ADGRV1: variants seen among roughly 807,000 people sequenced by gnomAD.
ADGRV1 encodes the protein adhesion G protein-coupled receptor V1, also known as G-protein coupled receptor 98.
Under a neutral mutation model 596.2 loss-of-function variants are expected in ADGRV1, and 359 were observed. The observed-to-expected ratio is 0.60, with a 90% confidence interval of 0.55 to 0.66. The LOEUF (loss-of-function observed/expected upper bound fraction) is 0.66, where lower values mean the gene tolerates loss of function less well. ADGRV1 is among the 30% of genes least tolerant of loss of function. The probability of loss-of-function intolerance (pLI) is 0.00; values close to 1 mark genes in which losing one functional copy is unlikely to be tolerated. For synonymous variants in ADGRV1, 2,681 were observed against 2,679.2 expected, an observed-to-expected ratio of 1.00 and a Z score of -0.02; for missense variants, 7,274 against 7,575.6, an observed-to-expected ratio of 0.96 and a Z score of 1.48.
chr5:90,866,514 G>A (rs1238299660), intron 83 of ADGRV1, among the ~76,000 whole-genome samples: 1 of 151,814 alleles, frequency 6.6e-6, no homozygotes, highest in East Asian at 1.9e-4. Context: ...TAAATTTATC[G>A]ATCTCTCTTT....
chr5:90,886,352 A>G (rs1398570188), intron 83 of ADGRV1, among the ~76,000 whole-genome samples: 1 of 152,126 alleles, frequency 6.6e-6, no homozygotes, highest in Non-Finnish European at 1.5e-5. Context: ...TCAGCTCACT[A>G]GTGGGCTCAC....
At chr5:90,740,529 C>T (rs1381025743) in intron 50 of ADGRV1, among the ~76,000 whole-genome samples, 1 of 152,156 alleles carries the variant, frequency 6.6e-6, no homozygotes, top group African/African-American at 2.4e-5. Flanking sequence ...GGGATTTGGG[C>T]CTGGGAGGCC....
chr5:90,572,259 A>G (rs1381293037), intron 1 of ADGRV1, among the ~76,000 whole-genome samples: 1 of 152,192 alleles, frequency 6.6e-6, no homozygotes, highest in Non-Finnish European at 1.5e-5. Context: ...GGGTAGCAGC[A>G]AAACAATGTT....
chr5:90,603,059 T>C (rs1315984732), intron 1 of ADGRV1, among the ~76,000 whole-genome samples: 1 of 152,212 alleles, frequency 6.6e-6, no homozygotes, highest in Non-Finnish European at 1.5e-5. Context: ...CCATGAAAAG[T>C]ACTGTTCTCC....
chr5:90,573,323 T>C (rs1221381586), intron 1 of ADGRV1, among the ~76,000 whole-genome samples: 1 of 152,162 alleles, frequency 6.6e-6, no homozygotes, highest in African/African-American at 2.4e-5. Context: ...CATTGCTTAA[T>C]GATGAGGATA....
intron 83 of ADGRV1, among the ~76,000 whole-genome samples, chr5:90,944,080 C>T (rs187824163): frequency 5.0e-4 from 76 of 152,242 alleles, no homozygotes; most frequent in African/African-American, 1.8e-3. Context: ...TCTATGAAGG[C>T]AAGCTTTAAG....
chr5:90,668,292 G>T (rs1197657114), intron 21 of ADGRV1, among the ~76,000 whole-genome samples: 1 of 152,012 alleles, frequency 6.6e-6, no homozygotes, highest in Non-Finnish European at 1.5e-5. Flanking sequence ...TCTGAGCCAG[G>T]TGCGGGGTAT....
chr5:90,897,326 C>T (rs894715972), intron 83 of ADGRV1, among the ~76,000 whole-genome samples: 2 of 152,076 alleles, frequency 1.3e-5, no homozygotes, highest in African/African-American at 4.8e-5. Flanking sequence ...TTGAATTCAA[C>T]AGGTCTAGAT....
chr5:90,687,783 T>C (rs999932849), intron 29 of ADGRV1, among the ~76,000 whole-genome samples: 1 of 151,966 alleles, frequency 6.6e-6, no homozygotes, highest in African/African-American at 2.4e-5. Flanking sequence ...AAATCATGAG[T>C]GAACTCCCAT....
chr5:90,697,184 T>C, intron 34 of ADGRV1, 38 bp downstream of exon 34: 2 of 1,542,052 alleles, frequency 1.3e-6, no homozygotes, highest in Non-Finnish European at 1.8e-6. Context: ...TCATTTTCTT[T>C]TCTATGGATG....
chr5:90,932,783 C>T (rs952883093), intron 83 of ADGRV1, among the ~76,000 whole-genome samples: 3 of 148,430 alleles, frequency 2.0e-5, no homozygotes, highest in African/African-American at 7.4e-5. Flanking sequence ...AGAATATAGG[C>T]TTGTCGTGAG....
At chr5:90,681,208 A>G (rs895885822) in intron 26 of ADGRV1, 107 bp from the exon 27 acceptor site, 55 of 1,197,458 alleles carry the variant, frequency 4.6e-5, no homozygotes, top group Non-Finnish European at 6.1e-5. Flanking sequence ...AATGTACTCA[A>G]TGAATGGAAG....
At chr5:90,834,622 G>A (rs11955252) in intron 77 of ADGRV1, among the ~76,000 whole-genome samples, 2,630 of 151,816 alleles carry the variant, frequency 0.017, 81 homozygotes, top group African/African-American at 0.061. Context: ...CCTTGAGGTA[G>A]CCTTCTTTGG....
In ADGRV1 at chr5:90,729,716, T is replaced by A; in HGVS notation, c.10501T>A (p.Phe3501Ile). ...SSFRYFQSVD[F>I]AAVNRIHSFT... ...CTTCAGGTATTTTCAGTCTGTAGAT[T>A]TTGCTGCTGTTAACAGAATCCACTC... Residue 3501 changes from phenylalanine to isoleucine, a missense_variant, in exon 50 of 90, where the codon TTT becomes ATT. Coordinates refer to ENST00000405460, the MANE Select transcript of ADGRV1 (RefSeq NM_032119.4). 1.2e-6 allele frequency: 2 copies of A among 1,612,656 alleles called. No homozygotes were observed. The highest frequency in any genetic ancestry group is 1.1e-5 in the South Asian group (1 of 90,972).
At chr5:90,743,016 CTACTGAT>C (rs1754155015) in intron 50 of ADGRV1, among the ~76,000 whole-genome samples, 1 of 152,094 alleles carries the variant, frequency 6.6e-6, no homozygotes. Flanking sequence ...AGAGTAAGCA[CTACTGAT>C]TATAGAGTTT....
chr5:91,049,502 T>C (rs1413491548), intron 85 of ADGRV1, among the ~76,000 whole-genome samples: 1 of 152,222 alleles, frequency 6.6e-6, no homozygotes, highest in South Asian at 2.1e-4. Context: ...CCATTTGGAA[T>C]AAATGATTAA....
chr5:91,027,665 T>C (rs1208859646), intron 85 of ADGRV1, among the ~76,000 whole-genome samples: 1 of 152,194 alleles, frequency 6.6e-6, no homozygotes, highest in Non-Finnish European at 1.5e-5. Flanking sequence ...TAGTGTACTA[T>C]GCTTTATACA....
chr5:91,039,807 C>T (rs1785191602), intron 85 of ADGRV1, among the ~76,000 whole-genome samples: 2 of 152,024 alleles, frequency 1.3e-5, no homozygotes, highest in Non-Finnish European at 2.9e-5. Flanking sequence ...TAGTATGTTG[C>T]CTGTGAATCA....
chr5:90,794,164 G>C (rs79316782), intron 70 of ADGRV1, among the ~76,000 whole-genome samples: 10,044 of 152,208 alleles, frequency 0.066, 705 homozygotes, highest in East Asian at 0.28. Flanking sequence ...GAGAAGGACC[G>C]CAAGGGCCAT....
Sources: gnomAD v4.1 joint callset for allele counts (sites outside exome capture counted in the v4.1 genomes callset) on GRCh38, gnomAD v4.1.1 for gene constraint, MANE v1.5 for transcripts, NCBI Gene and HGNC (gene_info 2026-07-23, HGNC 2026-07-21) for gene names.